ZBTB7C: variants seen among roughly 807,000 people sequenced by gnomAD.
The protein encoded by ZBTB7C is zinc finger and BTB domain containing 7C.
In ZBTB7C, 8 loss-of-function variants were observed where a neutral mutation model predicts 25.7. The ratio of observed to expected loss-of-function variants is 0.31; its 90% confidence interval spans 0.18 to 0.56. The LOEUF is 0.56. ZBTB7C is among the 20% of genes least tolerant of loss of function. The probability of loss-of-function intolerance (pLI) is 0.91; values close to 1 mark genes in which losing one functional copy is unlikely to be tolerated. For missense variants in ZBTB7C, 824 were observed against 855.2 expected, an observed-to-expected ratio of 0.96 and a Z score of 0.46; for synonymous variants, 394 against 369.0, an observed-to-expected ratio of 1.07 and a Z score of -0.78.
At chr18:48,184,368 G>C (rs1464255517) in intron 3 of ZBTB7C, among the ~76,000 whole-genome samples, 1 of 152,194 alleles carries the variant, frequency 6.6e-6, no homozygotes, top group African/African-American at 2.4e-5. Flanking sequence ...CGGAAAGTCA[G>C]TGTGGACGTC....
intron 3 of ZBTB7C, among the ~76,000 whole-genome samples, chr18:48,132,687 T>C (rs2040023436): frequency 6.6e-6 from 1 of 152,230 alleles, no homozygotes; most frequent in South Asian, 2.1e-4. Context: ...CTCTGCTAGA[T>C]TTCCCTAGGG....
At chr18:48,304,302 T>A (rs1417760500) in intron 2 of ZBTB7C, among the ~76,000 whole-genome samples, 1 of 152,146 alleles carries the variant, frequency 6.6e-6, no homozygotes, top group Non-Finnish European at 1.5e-5. Context: ...GAGACCAGAG[T>A]AACCATCTAA....
chr18:48,143,651 TG>T (rs2040416327), intron 3 of ZBTB7C, among the ~76,000 whole-genome samples: 1 of 152,162 alleles, frequency 6.6e-6, no homozygotes, highest in African/African-American at 2.4e-5. Flanking sequence ...CTCTTGTCCT[TG>T]GGCCCTGTCT....
chr18:48,139,835 C>T (rs566347893), intron 3 of ZBTB7C, among the ~76,000 whole-genome samples: 216 of 152,264 alleles, frequency 1.4e-3, no homozygotes, highest in Admixed American at 5.2e-3. Flanking sequence ...TCTGGATGCA[C>T]CAGACTCCAG....
At chr18:48,355,552 G>A (rs2046959521) in intron 1 of ZBTB7C, among the ~76,000 whole-genome samples, 1 of 152,104 alleles carries the variant, frequency 6.6e-6, no homozygotes, top group Non-Finnish European at 1.5e-5. Context: ...GCACTATCCT[G>A]CAGACCTGCT....
chr18:48,402,264 TAA>T (rs34563418), intron 1 of ZBTB7C, among the ~76,000 whole-genome samples: 121 of 131,062 alleles, frequency 9.2e-4, no homozygotes, highest in Middle Eastern at 3.9e-3. Flanking sequence ...TATTTTTAGG[TAA>T]AAAAAAAAAA....
intron 2 of ZBTB7C, among the ~76,000 whole-genome samples, chr18:48,227,069 C>CTA (rs2043121866): frequency 6.6e-6 from 1 of 150,562 alleles, no homozygotes; most frequent in Non-Finnish European, 1.5e-5. Flanking sequence ...AAAGAGTTAG[C>CTA]TATATACTCT....
intron 3 of ZBTB7C, among the ~76,000 whole-genome samples, chr18:48,183,314 T>G (rs1027793823): frequency 6.6e-6 from 1 of 152,196 alleles, no homozygotes; most frequent in African/African-American, 2.4e-5. Flanking sequence ...AGACTATCAT[T>G]GGAAAGTAAC....
Position 48,041,058 on chromosome 18 carries a change from C to T in ZBTB7C, c.50G>A (p.Ser17Asn). ...ELIGIPFPNH[S>N]SEVLCSLNEQ... ...ATTGAGGCTGCACAGGACCTCACTGCTGTGGTTGGGGAAGGGAATGCCAAT... is the reference window on the plus strand; with the variant it reads ...ATTGAGGCTGCACAGGACCTCACTGTTGTGGTTGGGGAAGGGAATGCCAAT... Residue 17 changes from serine to asparagine, a missense_variant, in exon 4 of 5, where the codon AGC becomes AAC. Physicochemically the swap from Ser to Asn is conservative, Grantham distance 46. Coordinates refer to ENST00000590800, the MANE Select transcript of ZBTB7C (RefSeq NM_001318841.2). 1 of 1,610,872 alleles carries T rather than the reference C, an allele frequency of 6.2e-7. No homozygotes were observed. The highest frequency in any genetic ancestry group is 8.5e-7 in the Non-Finnish European group (1 of 1,177,560).
In ZBTB7C at chr18:48,029,072, C is replaced by G; in HGVS notation, c.*188G>C. Reference sequence around the variant, plus strand: ...GCCTTTTGGGAAAAGATGCCCGTCTCAGACCAGCAAAAGGAGGCAGCTGCT... The same window carrying G: ...GCCTTTTGGGAAAAGATGCCCGTCTGAGACCAGCAAAAGGAGGCAGCTGCT... On this transcript the variant is annotated 3_prime_UTR_variant, in exon 5 of 5. Coordinates refer to ENST00000590800, the MANE Select transcript of ZBTB7C (RefSeq NM_001318841.2). 1.2e-6 allele frequency: 1 copy of G among 850,326 alleles called. No homozygotes were observed. Among genetic ancestry groups the G allele is most frequent in the Non-Finnish European group, 1.7e-6 (1 of 593,720 alleles). The allele number at this position is 850,326 out of a possible 1,614,324, so 52.7% of individuals were successfully genotyped here.
chr18:48,360,847 G>A (rs777384788), intron 1 of ZBTB7C, among the ~76,000 whole-genome samples: 3 of 152,138 alleles, frequency 2.0e-5, no homozygotes, highest in African/African-American at 2.4e-5. Flanking sequence ...GGTCGCTGGC[G>A]GAAGGGTGAG....
chr18:48,393,060 A>T (rs548529104), intron 1 of ZBTB7C, among the ~76,000 whole-genome samples: 2 of 152,306 alleles, frequency 1.3e-5, no homozygotes, highest in South Asian at 4.1e-4. Flanking sequence ...AGTGGTTTTC[A>T]CTAAATATGC....
chr18:48,389,236 CG>C (rs1568418415), intron 1 of ZBTB7C, among the ~76,000 whole-genome samples: 184 of 62,174 alleles, frequency 3.0e-3, no homozygotes, highest in African/African-American at 3.9e-3. Context: ...CTCTCTCTCT[CG>C]TGTGTGTGTG....
intron 1 of ZBTB7C, among the ~76,000 whole-genome samples, chr18:48,385,864 C>T (rs2047735445): frequency 6.6e-6 from 1 of 152,162 alleles, no homozygotes; most frequent in Non-Finnish European, 1.5e-5. Context: ...CCATGTGTCT[C>T]TACAAAGCTC....
intron 1 of ZBTB7C, among the ~76,000 whole-genome samples, chr18:48,365,400 G>A (rs1223585108): frequency 6.6e-6 from 1 of 152,170 alleles, no homozygotes; most frequent in Admixed American, 6.5e-5. Context: ...ATACAATATA[G>A]CAAAGGTAAT....
chr18:48,402,423 G>A (rs1406394186), intron 1 of ZBTB7C, among the ~76,000 whole-genome samples: 2 of 152,190 alleles, frequency 1.3e-5, no homozygotes, highest in Non-Finnish European at 2.9e-5. Context: ...TCAGTAAGGG[G>A]ATAACTTGCA....
At chr18:48,285,598 T>C (rs1223083720) in intron 2 of ZBTB7C, among the ~76,000 whole-genome samples, 1 of 152,216 alleles carries the variant, frequency 6.6e-6, no homozygotes, top group Non-Finnish European at 1.5e-5. Flanking sequence ...GCAATCCTCC[T>C]GCCTCGTCCT....
In ZBTB7C at chr18:48,029,691, G is replaced by A. The variant is rs963699389; in HGVS notation, c.1429C>T (p.Pro477Ser). Residue 477 changes from proline to serine, a missense_variant, in exon 5 of 5, where the codon CCC becomes TCC. Pro to Ser is a moderately conservative substitution (Grantham distance 74). Transcript: ENST00000590800. ...IKRQSCRMAR[P>S]RRGRKPAAWR... ...GCAGCAGGCTTGCGGCCGCGTCGGGGCCGTGCCATGCGGCAGCTCTGGCGC... is the reference window on the plus strand; with the variant it reads ...GCAGCAGGCTTGCGGCCGCGTCGGGACCGTGCCATGCGGCAGCTCTGGCGC... 3 of 1,595,454 alleles carry A rather than the reference G, an allele frequency of 1.9e-6. No individual in the cohort carries two copies. The highest frequency in any genetic ancestry group is 2.6e-6 in the Non-Finnish European group (3 of 1,176,170).
intron 3 of ZBTB7C, among the ~76,000 whole-genome samples, chr18:48,135,610 T>C (rs1420886788): frequency 2.6e-5 from 4 of 152,116 alleles, no homozygotes; most frequent in African/African-American, 4.8e-5. Context: ...TACTTTTCTT[T>C]CCTGGAGTTT....
Sources: gnomAD v4.1 joint callset for allele counts (sites outside exome capture counted in the v4.1 genomes callset) on GRCh38, gnomAD v4.1.1 for gene constraint, MANE v1.5 for transcripts, NCBI Gene and HGNC (gene_info 2026-07-23, HGNC 2026-07-21) for gene names.